Variants in C2CD3 observed in about 807,000 individuals in gnomAD.
C2CD3 encodes the protein C2 domain containing 3 centriole elongation regulator, also known as C2 domain-containing protein 3.
A neutral mutation model predicts 234.0 loss-of-function variants in C2CD3; 148 were observed. That is an observed-to-expected ratio of 0.63 (90% CI 0.55 to 0.72). C2CD3 has a LOEUF of 0.72. Among genes scored for constraint, C2CD3 ranks in the 30% least tolerant of loss-of-function variants. The probability of loss-of-function intolerance (pLI) is 0.00; values close to 1 mark genes in which losing one functional copy is unlikely to be tolerated. For synonymous variants in C2CD3, 1,000 were observed against 1,035.4 expected, an observed-to-expected ratio of 0.97 and a Z score of 0.66; for missense variants, 2,577 against 2,811.5, an observed-to-expected ratio of 0.92 and a Z score of 1.89.
chr11:74,076,925 C>T (rs1007978385), intron 23 of C2CD3, among the ~76,000 whole-genome samples: 8 of 152,134 alleles, frequency 5.3e-5, no homozygotes, highest in African/African-American at 1.9e-4. Flanking sequence ...TAATTATTTA[C>T]TTACTACTGT....
intron 3 of C2CD3, among the ~76,000 whole-genome samples, chr11:74,150,516 CAAAAAAAAAACAAA>C (rs1565348193): frequency 1.5e-5 from 1 of 65,990 alleles, no homozygotes; most frequent in Non-Finnish European, 2.5e-5. Flanking sequence ...AAAAAAAAAA[CAAAAAAAAAACAAA>C]ACAAATTTCT....
Position 74,078,352 on chromosome 11 carries a change from C to A in C2CD3, c.4366G>T (p.Glu1456Ter). 2 of 1,614,094 alleles carry A rather than the reference C, an allele frequency of 1.2e-6. No homozygotes were observed. The highest frequency in any genetic ancestry group is 1.7e-6 in the Non-Finnish European group (2 of 1,180,030). ...ATAATCTGCTTTTTGTTTACAGATTCCTTAGGCTTCTTGAGAGGGGTCCAA... is the reference window on the plus strand; with the variant it reads ...ATAATCTGCTTTTTGTTTACAGATTACTTAGGCTTCTTGAGAGGGGTCCAA... ...AFWTPLKKPK[E>*]SVNKKQIMVT... The change falls in exon 23 of 33, where the codon GAA (glutamate) becomes TAA (stop). Residue 1456 changes from glutamate (E) to a stop codon, truncating the protein, a stop_gained. Transcript: ENST00000334126. LOFTEE classifies it high-confidence loss of function.
chr11:74,049,925 C>T (rs1481347089), intron 26 of C2CD3, among the ~76,000 whole-genome samples: 1 of 141,290 alleles, frequency 7.1e-6, no homozygotes, highest in East Asian at 1.9e-4. Flanking sequence ...GGACTATAGG[C>T]ACACACCACC....
intron 32 of C2CD3, among the ~76,000 whole-genome samples, chr11:74,016,435 G>A (rs1210417787): frequency 2.0e-5 from 3 of 152,324 alleles, no homozygotes; most frequent in South Asian, 2.1e-4. Flanking sequence ...CTGCCCTGGA[G>A]CTGAATCGTG....
intron 32 of C2CD3, 125 bp from the exon 33 acceptor site, chr11:74,013,650 G>A (rs944055086): frequency 1.7e-5 from 9 of 514,378 alleles, no homozygotes; most frequent in African/African-American, 7.9e-5. Context: ...TTTACAAAGC[G>A]CTTTACGTAC....
intron 3 of C2CD3, among the ~76,000 whole-genome samples, chr11:74,146,229 AG>A (rs908553050): frequency 6.6e-6 from 1 of 152,166 alleles, no homozygotes; most frequent in Non-Finnish European, 1.5e-5. Context: ...AATTTATAAA[AG>A]AATGTTTAGT....
At chr11:74,094,058 C>A in intron 17 of C2CD3, 59 bp from the exon 18 acceptor site, 2 of 1,364,566 alleles carry the variant, frequency 1.5e-6, no homozygotes, top group Non-Finnish European at 2.1e-6. Context: ...TTTTCTTCTT[C>A]TTTCATGTTC....
In C2CD3 at chr11:74,133,451, A is replaced by C. The variant is rs1169294453; in HGVS notation, c.1062T>G (p.Asn354Lys). The part of the protein sequence containing the change: ...MLLDQVHPPI[N>K]EDSLRASTQI... The stretch of plus-strand genomic sequence containing the variant: ...GTGTTGATGCTCTAAGAGAATCTTC[A>C]TTAATAGGAGGATGAACTTGGTCCA... Residue 354 changes from asparagine (N) to lysine (K), a missense_variant, in exon 6 of 33, where the codon AAT becomes AAG. Physicochemically the swap from Asn to Lys is moderately conservative, Grantham distance 94. Coordinates refer to ENST00000334126, the MANE Select transcript of C2CD3 (RefSeq NM_001286577.2). 6.2e-6 allele frequency: 10 copies of C among 1,613,560 alleles called. No individual in the cohort carries two copies. Among genetic ancestry groups the C allele is most frequent in the Non-Finnish European group, 8.5e-6 (10 of 1,179,618 alleles).
At position 74,158,280 on chromosome 11, in the gene C2CD3, G is replaced by C. The variant is rs544422737; in HGVS notation, c.483+3119C>G. On this transcript the variant is annotated intron_variant, in intron 3 of 32. Transcript: ENST00000334126. ...GTGGGAGAAAATATTTGCAAACTTG[G>C]CATCTGACAAGAGTTAATATCCAGA... 2.0e-5 allele frequency among the ~76,000 whole-genome samples: 3 copies of C among 152,266 alleles called. No individual in the cohort carries two copies. In the South Asian group the frequency reaches 6.2e-4, roughly 32 times the overall value.
At chr11:74,126,907 C>A (rs1957431366) in intron 7 of C2CD3, among the ~76,000 whole-genome samples, 1 of 152,212 alleles carries the variant, frequency 6.6e-6, no homozygotes, top group Non-Finnish European at 1.5e-5. Flanking sequence ...CCCATCATCA[C>A]TCCCAGCCCT....
intron 26 of C2CD3, among the ~76,000 whole-genome samples, chr11:74,053,581 T>C (rs1474476560): frequency 1.3e-5 from 2 of 152,156 alleles, no homozygotes; most frequent in African/African-American, 4.8e-5. Context: ...GTTCTTAAAA[T>C]AAGAAAAAAT....
intron 8 of C2CD3, 149 bp downstream of exon 8, chr11:74,122,839 T>C: frequency 8.2e-6 from 5 of 606,340 alleles, no homozygotes; most frequent in Non-Finnish European, 1.4e-5. Flanking sequence ...TCAACATCTG[T>C]AAAATGAAGA....
intron 2 of C2CD3, among the ~76,000 whole-genome samples, chr11:74,163,413 G>T (rs934417338): frequency 1.3e-5 from 2 of 152,180 alleles, no homozygotes; most frequent in Non-Finnish European, 2.9e-5. Context: ...GATATGGTTT[G>T]GCTGTGTCCC....
intron 20 of C2CD3, among the ~76,000 whole-genome samples, 194 bp downstream of exon 20, chr11:74,090,614 GAGGTA>G (rs1438079671): frequency 6.6e-6 from 1 of 152,180 alleles, no homozygotes; most frequent in African/African-American, 2.4e-5. Flanking sequence ...CAAGGTCAAG[GAGGTA>G]AGTTGCTAAC....
At chr11:74,130,084 C>T (rs1163989790) in intron 7 of C2CD3, 7 of 97,812 alleles carry the variant, frequency 7.2e-5, no homozygotes, top group East Asian at 3.1e-4. Context: ...AGACGGAGAC[C>T]GTGGGGAGAG....
At position 74,103,381 on chromosome 11, in the gene C2CD3, T is replaced by C; in HGVS notation, c.2330A>G (p.His777Arg). Residue 777 changes from histidine (H) to arginine (R), a missense_variant, in exon 14 of 33, where the codon CAT becomes CGT. Transcript: ENST00000334126. Reference sequence around the variant, plus strand: ...TGGCGTAGCTACGAAGGTTGAAGGATGTGGTGCTACAGGGCTTGGTGACTT... The same window carrying C: ...TGGCGTAGCTACGAAGGTTGAAGGACGTGGTGCTACAGGGCTTGGTGACTT... The part of the protein sequence containing the change: ...NRKSPSPVAP[H>R]PSTFVATPAS... The C allele has an allele frequency of 6.2e-7, 1 of 1,614,220 alleles. No individual in the cohort carries two copies. The highest frequency in any genetic ancestry group is 8.5e-7 in the Non-Finnish European group (1 of 1,180,036).
At chr11:74,120,121 T>C (rs2135520265) in intron 8 of C2CD3, among the ~76,000 whole-genome samples, 1 of 152,186 alleles carries the variant, frequency 6.6e-6, no homozygotes, top group South Asian at 2.1e-4. Flanking sequence ...ATTGTAAGAT[T>C]ACTTCCTTTT....
intron 8 of C2CD3, among the ~76,000 whole-genome samples, chr11:74,120,219 T>C (rs1243980772): frequency 1.3e-5 from 2 of 152,016 alleles, no homozygotes; most frequent in African/African-American, 4.8e-5. Context: ...TGTTGGTTTG[T>C]GGCACCCATC....
At chr11:74,151,620 C>A (rs1163338703) in intron 3 of C2CD3, among the ~76,000 whole-genome samples, 1 of 152,070 alleles carries the variant, frequency 6.6e-6, no homozygotes, top group Non-Finnish European at 1.5e-5. Flanking sequence ...AGCCAACGTG[C>A]CTGGCAGACA....
Sources: gnomAD v4.1 joint callset for allele counts (sites outside exome capture counted in the v4.1 genomes callset) on GRCh38, gnomAD v4.1.1 for gene constraint, MANE v1.5 for transcripts, NCBI Gene and HGNC (gene_info 2026-07-23, HGNC 2026-07-21) for gene names.